Variants in TFCP2 observed in about 807,000 individuals in gnomAD.
TFCP2 encodes alpha-globin transcription factor CP2.
TFCP2 carries 33 observed loss-of-function variants against 73.4 expected under a neutral mutation model. The observed-to-expected ratio is 0.45, with a 90% confidence interval of 0.34 to 0.60. TFCP2 has a LOEUF of 0.60. TFCP2 is among the 20% of genes least tolerant of loss of function. The pLI is 0.01. For missense variants in TFCP2, 352 were observed against 604.0 expected (o/e 0.58, Z 4.37); for synonymous variants, 193 against 211.6 (o/e 0.91, Z 0.76).
rs982307669 is a variant in TFCP2 at position 51,097,326 on chromosome 12, G to A, written c.1420-1286C>T. On this transcript the variant is annotated intron_variant, in intron 13 of 14. Coordinates refer to ENST00000257915, the MANE Select transcript of TFCP2 (RefSeq NM_005653.5). ...TGCGGTGGCGCAATCTTGGCTCACC[G>A]CAACCTCTGCCTCTCGGGTTCAAGC... is the stretch of plus-strand genomic sequence containing the variant. Among the ~76,000 whole-genome samples the A allele has an allele frequency of 3.9e-5, 6 of 152,080 alleles. No homozygotes were observed. In the East Asian group the frequency reaches 5.8e-4, roughly 15 times the overall value.
chr12:51,168,469 T>C (rs1372477635), intron 1 of TFCP2, among the ~76,000 whole-genome samples: 1 of 152,012 alleles, frequency 6.6e-6, no homozygotes, highest in Non-Finnish European at 1.5e-5. Flanking sequence ...CCCTGTAAAC[T>C]GGTGTTTTGT....
At chr12:51,101,416 C>T (rs1202468259) in intron 11 of TFCP2, among the ~76,000 whole-genome samples, 1 of 152,214 alleles carries the variant, frequency 6.6e-6, no homozygotes, top group South Asian at 2.1e-4. Flanking sequence ...AGAACAGTCT[C>T]CCTTCCTGTG....
chr12:51,104,906 G>A (rs975929983), intron 8 of TFCP2, among the ~76,000 whole-genome samples: 1 of 151,672 alleles, frequency 6.6e-6, no homozygotes, highest in Admixed American at 6.6e-5. Flanking sequence ...TAGAGACAGG[G>A]TTTCACTGTG....
rs559736219 is a variant in TFCP2, at chr12:51,111,866, T to A, written c.458-883A>T. ...CAAGACTTCATCTCAAAAAAAAAAA[T>A]TATTTTTAGGCCAGGCGTGGTGGCT... On this transcript the variant is annotated intron_variant, in intron 4 of 14. Transcript: ENST00000257915. Among the ~76,000 whole-genome samples the A allele has an allele frequency of 2.3e-5, 3 of 133,206 alleles. No homozygotes were observed. The South Asian group carries it at 7.3e-4, about 32-fold the overall frequency. 87.4% of individuals were successfully genotyped at this position (133,206 alleles called of 152,430 possible).
intron 12 of TFCP2, 147 bp downstream of exon 12, chr12:51,099,508 T>C (rs1190517523): frequency 3.8e-6 from 4 of 1,062,502 alleles, no homozygotes; most frequent in Admixed American, 4.7e-5. Flanking sequence ...GCACCTGCCA[T>C]GTATTAGGAA....
intron 1 of TFCP2, among the ~76,000 whole-genome samples, chr12:51,164,434 T>C (rs1941711920): frequency 6.6e-6 from 1 of 151,508 alleles, no homozygotes; most frequent in Admixed American, 6.6e-5. Context: ...CTGTCTCTAC[T>C]AAAAATACAA....
intron 1 of TFCP2, among the ~76,000 whole-genome samples, chr12:51,121,134 CT>C (rs1940660902): frequency 6.6e-6 from 1 of 151,434 alleles, no homozygotes. Flanking sequence ...TTAAGATTCC[CT>C]TGGCTAGGCA....
rs905712927 is a variant in TFCP2, at chr12:51,172,542, C to T, written c.-120G>A. The T allele has an allele frequency of 6.9e-5, 94 of 1,370,856 alleles. No homozygotes were observed. Among genetic ancestry groups the T allele is most frequent in the Non-Finnish European group, 9.0e-5 (90 of 1,000,384 alleles). 84.9% of individuals were successfully genotyped at this position (1,370,856 alleles called of 1,614,324 possible). A position where few individuals can be genotyped will look rare whatever the true frequency, so the allele number is the denominator to read the frequency against. ...ACAAACCAAGGTTTCCCACGCAGTG[C>T]CCACCAGCCACCCCCAAGCCCGACC... is the stretch of plus-strand genomic sequence containing the variant. On this transcript the variant is annotated 5_prime_UTR_variant, in exon 1 of 15. Transcript: ENST00000257915.
At position 51,097,882 on chromosome 12, in the gene TFCP2, G is replaced by T. The variant is rs551729222; in HGVS notation, c.1419+894C>A. 2.0e-5 allele frequency among the ~76,000 whole-genome samples: 3 copies of T among 152,064 alleles called. No homozygotes were observed. The East Asian group carries it at 5.8e-4, about 30-fold the overall frequency. Reference sequence around the variant, plus strand: ...AATACAAAAATTAGCCAGGCATGGTGGTGGGTGCCTGTAATACCAGCTACT... The same window carrying T: ...AATACAAAAATTAGCCAGGCATGGTTGTGGGTGCCTGTAATACCAGCTACT... On this transcript the variant is annotated intron_variant, in intron 13 of 14. Transcript: ENST00000257915.
intron 1 of TFCP2, among the ~76,000 whole-genome samples, chr12:51,151,346 T>G (rs955552449): frequency 3.3e-5 from 5 of 152,210 alleles, no homozygotes; most frequent in African/African-American, 7.2e-5. Context: ...AAAGTGATCA[T>G]ATAATTTATC....
At chr12:51,121,132 C>G (rs1382296650) in intron 1 of TFCP2, among the ~76,000 whole-genome samples, 2 of 151,444 alleles carry the variant, frequency 1.3e-5, no homozygotes, top group East Asian at 4.0e-4. Flanking sequence ...AATTAAGATT[C>G]CCTTGGCTAG....
chr12:51,106,272 T>A (rs1296008013), intron 8 of TFCP2, among the ~76,000 whole-genome samples: 3 of 151,838 alleles, frequency 2.0e-5, no homozygotes, highest in Admixed American at 6.6e-5. Context: ...AAATTGACCA[T>A]AAATGCTACT....
At chr12:51,102,101 A>G in intron 10 of TFCP2, 76 bp from the exon 11 acceptor site, 1 of 1,005,428 alleles carries the variant, frequency 9.9e-7, no homozygotes, top group Non-Finnish European at 1.6e-6. Context: ...GGGCTGTATT[A>G]TAAGGACACC....
intron 13 of TFCP2, among the ~76,000 whole-genome samples, chr12:51,097,310 G>A (rs983232624): frequency 4.9e-4 from 74 of 151,224 alleles, no homozygotes; most frequent in Middle Eastern, 7.0e-3. Context: ...GTGCGGTGGC[G>A]CAATCTTGGC....
intron 1 of TFCP2, among the ~76,000 whole-genome samples, chr12:51,159,454 T>A (rs1462027930): frequency 6.6e-6 from 1 of 151,822 alleles, no homozygotes; most frequent in East Asian, 2.0e-4. Context: ...TTCTCATGCC[T>A]CAGCCGCCCA....
In TFCP2 at chr12:51,106,515, C is replaced by T; in HGVS notation, c.917+10G>A. ...GACAAATATAAGCCAATTTTATTTC[C>T]CAGACTTACCCTTCCCCAAGAGAAA... On this transcript the variant is annotated intron_variant, in intron 8 of 14. Transcript: ENST00000257915. 6.2e-7 allele frequency: 1 copy of T among 1,603,246 alleles called. No homozygotes were observed. The highest frequency in any genetic ancestry group is 8.5e-7 in the Non-Finnish European group (1 of 1,175,094).
chr12:51,137,913 A>G (rs1322115282), intron 1 of TFCP2, among the ~76,000 whole-genome samples: 1 of 152,162 alleles, frequency 6.6e-6, no homozygotes, highest in East Asian at 1.9e-4. Flanking sequence ...AATGTCTACC[A>G]GCTCATGCTT....
chr12:51,163,552 T>C (rs1022281960), intron 1 of TFCP2, among the ~76,000 whole-genome samples: 1 of 152,006 alleles, frequency 6.6e-6, no homozygotes, highest in Non-Finnish European at 1.5e-5. Context: ...ATCACGCCAC[T>C]GTACTCCAGC....
At chr12:51,112,305 G>A (rs1209356389) in intron 4 of TFCP2, among the ~76,000 whole-genome samples, 1 of 152,154 alleles carries the variant, frequency 6.6e-6, no homozygotes, top group Non-Finnish European at 1.5e-5. Context: ...ATTTCTTTGT[G>A]TTGGGAATGT....
Sources: allele counts gnomAD v4.1 joint callset (sites outside exome capture counted in the v4.1 genomes callset), GRCh38; gene constraint gnomAD v4.1.1; transcripts MANE v1.5; gene names NCBI Gene and HGNC (gene_info 2026-07-23, HGNC 2026-07-21).